Variants in LINGO1 observed in about 807,000 individuals in gnomAD.
The protein encoded by LINGO1 is leucine-rich repeat and immunoglobulin-like domain-containing nogo receptor-interacting protein 1.
LINGO1 carries 11 observed loss-of-function variants against 37.3 expected under a neutral mutation model. The observed-to-expected ratio is 0.29, with a 90% CI of 0.19 to 0.49. The LOEUF is 0.49. Among genes scored for constraint, LINGO1 ranks in the 20% least tolerant of loss-of-function variants. The probability of loss-of-function intolerance (pLI) is 0.99; values close to 1 mark genes in which losing one functional copy is unlikely to be tolerated. For missense variants in LINGO1, 585 were observed against 878.2 expected (o/e 0.67, Z 4.22); for synonymous variants, 387 against 403.0 (o/e 0.96, Z 0.48).
At chr15:77,647,758 T>G (rs1316985071) in intron 3 of LINGO1, 1 of 427,912 alleles carries the variant, frequency 2.3e-6, no homozygotes, top group African/African-American at 2.0e-5. Flanking sequence ...CCTAACTGCT[T>G]TGCCCTTCCC....
chr15:77,776,815 A>G (rs368978713), intron 1 of LINGO1, among the ~76,000 whole-genome samples: 10 of 152,344 alleles, frequency 6.6e-5, no homozygotes, highest in African/African-American at 2.2e-4. Context: ...AGCATTGTAC[A>G]TATTTTAACT....
chr15:77,622,734 G>C (rs1053392468), intron 1 of LINGO1, among the ~76,000 whole-genome samples: 1 of 152,198 alleles, frequency 6.6e-6, no homozygotes, highest in Non-Finnish European at 1.5e-5. Flanking sequence ...GGCCCATCTA[G>C]AGAGGACTGT....
intron 3 of LINGO1, among the ~76,000 whole-genome samples, chr15:77,641,350 G>C (rs2074501359): frequency 6.6e-6 from 1 of 152,208 alleles, no homozygotes; most frequent in Admixed American, 6.5e-5. Flanking sequence ...CCATAACGGT[G>C]CATGTAATTA....
intron 1 of LINGO1, among the ~76,000 whole-genome samples, chr15:77,691,922 T>C (rs1266385188): frequency 6.6e-6 from 1 of 152,180 alleles, no homozygotes; most frequent in Non-Finnish European, 1.5e-5. Context: ...CCACCCACGC[T>C]GCGGCATCAC....
chr15:77,626,222 C>A (rs2074086096), intron 1 of LINGO1, among the ~76,000 whole-genome samples: 1 of 152,168 alleles, frequency 6.6e-6, no homozygotes, highest in East Asian at 1.9e-4. Flanking sequence ...CAACATCATA[C>A]AAGGGTCACA....
intron 2 of LINGO1, among the ~76,000 whole-genome samples, chr15:77,704,181 G>A (rs1596133719): frequency 6.6e-6 from 1 of 152,132 alleles, no homozygotes; most frequent in East Asian, 1.9e-4. Context: ...GACCATTCAA[G>A]CTTCTGCTCA....
chr15:77,617,811 C>T (rs886948469), intron 1 of LINGO1, among the ~76,000 whole-genome samples: 9 of 152,344 alleles, frequency 5.9e-5, no homozygotes, highest in East Asian at 1.9e-4. Context: ...ACGGGAGCTT[C>T]GTGGTTGTTG....
At chr15:77,641,166 A>C (rs980707373) in intron 3 of LINGO1, among the ~76,000 whole-genome samples, 1 of 152,168 alleles carries the variant, frequency 6.6e-6, no homozygotes, top group Non-Finnish European at 1.5e-5. Flanking sequence ...GCTGCTGGCC[A>C]AGGAGGTGCC....
chr15:77,740,701 T>C (rs1436744657), intron 1 of LINGO1, among the ~76,000 whole-genome samples: 5 of 152,188 alleles, frequency 3.3e-5, no homozygotes, highest in Middle Eastern at 3.4e-3. Context: ...GGGTGGGGCT[T>C]TGAATACACA....
intron 3 of LINGO1, among the ~76,000 whole-genome samples, chr15:77,672,456 C>A: frequency 6.6e-6 from 1 of 152,148 alleles, no homozygotes; most frequent in South Asian, 2.1e-4. Flanking sequence ...GCTTTTGGAA[C>A]GGGAAAACCT....
At chr15:77,643,884 A>G (rs922653073) in intron 3 of LINGO1, among the ~76,000 whole-genome samples, 2 of 152,190 alleles carry the variant, frequency 1.3e-5, no homozygotes, top group Admixed American at 6.5e-5. Context: ...GTGGGGGTGC[A>G]ATGGCTCAAG....
At chr15:77,648,817 G>A (rs543425090) in intron 3 of LINGO1, 2 of 152,482 alleles carry the variant, frequency 1.3e-5, no homozygotes, top group East Asian at 3.9e-4. Flanking sequence ...TCCAGGGCTG[G>A]AGACCTCAGG....
At chr15:77,722,120 C>T (rs1304946331) in intron 2 of LINGO1, among the ~76,000 whole-genome samples, 1 of 152,188 alleles carries the variant, frequency 6.6e-6, no homozygotes, top group Non-Finnish European at 1.5e-5. Context: ...CAGTTTCCTC[C>T]CTGAAAAGGT....
At chr15:77,724,099 C>T (rs1019639988) in intron 2 of LINGO1, among the ~76,000 whole-genome samples, 4 of 152,178 alleles carry the variant, frequency 2.6e-5, no homozygotes, top group Non-Finnish European at 5.9e-5. Flanking sequence ...CCACTCCTTG[C>T]ACCCGGAGCA....
At chr15:77,817,641 A>G (rs1029139295) in intron 1 of LINGO1, among the ~76,000 whole-genome samples, 1 of 152,190 alleles carries the variant, frequency 6.6e-6, no homozygotes, top group African/African-American at 2.4e-5. Flanking sequence ...AACTGCCTCC[A>G]GCTGAGAACA....
chr15:77,768,843 T>C (rs982561884), intron 1 of LINGO1, among the ~76,000 whole-genome samples: 11 of 152,038 alleles, frequency 7.2e-5, no homozygotes, highest in Non-Finnish European at 1.6e-4. Context: ...CCTGGATTCA[T>C]CCCCCACTCA....
chr15:77,614,759 C>T lies in LINGO1; in HGVS notation c.1148G>A (p.Arg383His), dbSNP rs1480681202. ...CDCRLLWVFR[R>H]RWRLNFNRQQ... ...CCGGTTGAAGTTGAGCCGCCAGCGGCGCCGGAACACCCACAGGAGCCGACA... is the reference window on the plus strand; with the variant it reads ...CCGGTTGAAGTTGAGCCGCCAGCGGTGCCGGAACACCCACAGGAGCCGACA... Residue 383 changes from arginine (R) to histidine (H), a missense_variant, in exon 2 of 2, where the codon CGC (arginine) becomes CAC (histidine). By Grantham distance (29) the Arg-to-His change is conservative (BLOSUM62 0). Coordinates refer to ENST00000355300, the MANE Select transcript of LINGO1 (RefSeq NM_032808.7). 3 of 1,607,164 alleles carry T rather than the reference C, an allele frequency of 1.9e-6. No homozygotes were observed. The highest frequency in any genetic ancestry group is 2.5e-6 in the Non-Finnish European group (3 of 1,176,910).
intron 3 of LINGO1, among the ~76,000 whole-genome samples, chr15:77,647,272 T>C (rs1346961684): frequency 1.3e-5 from 2 of 151,896 alleles, no homozygotes; most frequent in Non-Finnish European, 1.5e-5. Context: ...TGACAGGAGA[T>C]ATTAGGAAGC....
upstream of LINGO1, among the ~76,000 whole-genome samples, chr15:77,635,622 G>GCC (rs1481158045): frequency 1.4e-5 from 2 of 145,606 alleles, no homozygotes; most frequent in Non-Finnish European, 2.9e-5. Context: ...CGCACCCCAG[G>GCC]CCTTTGTGCC....
Sources: gnomAD v4.1 joint callset for allele counts (sites outside exome capture counted in the v4.1 genomes callset) on GRCh38, gnomAD v4.1.1 for gene constraint, MANE v1.5 for transcripts, NCBI Gene and HGNC (gene_info 2026-07-23, HGNC 2026-07-21) for gene names.